The following PLCG2 variants were observed in gnomAD, a reference collection of about 807,000 sequenced individuals.
PLCG2 encodes 1-phosphatidylinositol 4,5-bisphosphate phosphodiesterase gamma-2.
A neutral mutation model predicts 175.6 loss-of-function variants in PLCG2; 69 were observed. That is an observed-to-expected ratio of 0.39 (90% confidence interval 0.32 to 0.48). PLCG2 has a LOEUF of 0.48. PLCG2 is among the 20% of genes least tolerant of loss of function. The pLI, the probability that PLCG2 is intolerant of heterozygous loss-of-function variation, is 0.91. For synonymous variants in PLCG2, 827 were observed against 624.0 expected, an observed-to-expected ratio of 1.33 and a Z score of -4.85; for missense variants, 1,798 against 1,650.9, an observed-to-expected ratio of 1.09 and a Z score of -1.54.
At chr16:81,836,523 CTGAGG>C (rs1396525397) in intron 2 of PLCG2, among the ~76,000 whole-genome samples, 1 of 152,092 alleles carries the variant, frequency 6.6e-6, no homozygotes, top group African/African-American at 2.4e-5. Flanking sequence ...GGTGGATCAC[CTGAGG>C]TGAGGAGTTT....
intron 2 of PLCG2, among the ~76,000 whole-genome samples, chr16:81,812,988 T>A (rs1904383502): frequency 2.0e-5 from 3 of 152,206 alleles, no homozygotes; most frequent in Non-Finnish European, 4.4e-5. Flanking sequence ...TGGTGGTAGA[T>A]GTGTGATGTT....
chr16:81,938,024 C>G, intron 28 of PLCG2, 121 bp downstream of exon 28: 1 of 821,106 alleles, frequency 1.2e-6, no homozygotes, highest in Non-Finnish European at 1.9e-6. Flanking sequence ...TTTAAACGAT[C>G]CCCATTCAGG....
In PLCG2 at chr16:81,762,766, C is replaced by T. The variant is rs576183511; in HGVS notation, c.-48+6800C>T. ...AAGTCCCCAAGGCTGGCTGATCAGGCAGAGCCCCTTCAAATGGGCATTAAA... is the reference window on the plus strand; with the variant it reads ...AAGTCCCCAAGGCTGGCTGATCAGGTAGAGCCCCTTCAAATGGGCATTAAA... On this transcript the variant is annotated intron_variant, in intron 2 of 5. Coordinates refer to the PLCG2 transcript ENST00000565054. Among the ~76,000 whole-genome samples the T allele has an allele frequency of 7.2e-5, 11 of 152,288 alleles. No homozygotes were observed. The South Asian group carries it at 1.9e-3, about 26-fold the overall frequency.
intron 2 of PLCG2, among the ~76,000 whole-genome samples, chr16:81,834,304 T>G (rs1001994368): frequency 6.6e-6 from 1 of 152,128 alleles, no homozygotes; most frequent in Non-Finnish European, 1.5e-5. Flanking sequence ...TGCCCTGAAC[T>G]TGACCTCGGA....
chr16:81,820,689 T>G (rs1904756702), intron 2 of PLCG2, among the ~76,000 whole-genome samples: 1 of 152,152 alleles, frequency 6.6e-6, no homozygotes, highest in Non-Finnish European at 1.5e-5. Context: ...GGCGCAATCT[T>G]GGCCCACTGC....
chr16:81,803,113 C>CTTT (rs762278218), intron 2 of PLCG2, among the ~76,000 whole-genome samples: 77 of 131,414 alleles, frequency 5.9e-4, no homozygotes, highest in Non-Finnish European at 6.9e-4. Flanking sequence ...TTGCATTTCA[C>CTTT]TTTTTTTTTT....
chr16:81,765,463 T>G (rs1910128368), intron 2 of PLCG2, among the ~76,000 whole-genome samples: 2 of 152,174 alleles, frequency 1.3e-5, no homozygotes, highest in African/African-American at 2.4e-5. Context: ...AAACCCTGTT[T>G]CTACATAAAA....
intron 26 of PLCG2, chr16:81,935,771 C>G: frequency 2.0e-6 from 2 of 985,370 alleles, no homozygotes; most frequent in Non-Finnish European, 2.4e-6. Flanking sequence ...GCAGGTGATT[C>G]TCAGTTTGTT....
At position 81,940,063 on chromosome 16, in the gene PLCG2, A is replaced by G. The variant is rs1187288714; in HGVS notation, c.3481+4A>G. 2 of 1,598,208 alleles carry G rather than the reference A, an allele frequency of 1.3e-6. No homozygotes were observed. The highest frequency in any genetic ancestry group is 8.6e-7 in the Non-Finnish European group (1 of 1,166,770). ...CCCATTAAAGCAGTCAAATCAGGTA[A>G]GAGGCATTTTAATTAAGATGTTCGA... On this transcript the variant is annotated splice_donor_region_variant and intron_variant, in intron 30 of 32. Transcript: ENST00000564138.
chr16:81,762,728 G>A (rs1387658627), intron 2 of PLCG2, among the ~76,000 whole-genome samples: 1 of 152,124 alleles, frequency 6.6e-6, no homozygotes. Context: ...ATACACCACT[G>A]CAATATCCCC....
At chr16:81,862,783 A>G (rs1012603567) in intron 5 of PLCG2, among the ~76,000 whole-genome samples, 1 of 152,088 alleles carries the variant, frequency 6.6e-6, no homozygotes, top group Non-Finnish European at 1.5e-5. Flanking sequence ...AGGTGGGAGG[A>G]TCATCTGAGC....
intron 31 of PLCG2, among the ~76,000 whole-genome samples, chr16:81,948,588 T>C (rs763901410): frequency 1.4e-4 from 21 of 152,158 alleles, no homozygotes; most frequent in Non-Finnish European, 1.8e-4. Flanking sequence ...TTGTAGAAGA[T>C]TGCACACTTT....
intron 19 of PLCG2, among the ~76,000 whole-genome samples, chr16:81,918,332 G>T (rs4888188): frequency 0.38 from 57,493 of 152,030 alleles, 12,171 homozygotes; most frequent in East Asian, 0.78. Flanking sequence ...ACAGTTTCAG[G>T]TCTTATGTTT....
upstream of PLCG2, among the ~76,000 whole-genome samples, chr16:81,778,998 G>T (rs1216524018): frequency 6.6e-6 from 1 of 152,084 alleles, no homozygotes; most frequent in Non-Finnish European, 1.5e-5. Flanking sequence ...CCTGGACTGC[G>T]GCCGGCTCTC....
intron 21 of PLCG2, 145 bp downstream of exon 21, chr16:81,921,414 A>G (rs750923181): frequency 1.4e-6 from 1 of 694,008 alleles, no homozygotes; most frequent in Non-Finnish European, 2.7e-6. Flanking sequence ...TTTGAGAAGA[A>G]AGGATGATTG....
At chr16:81,938,028 A>C in intron 28 of PLCG2, 125 bp downstream of exon 28, 1 of 785,726 alleles carries the variant, frequency 1.3e-6, no homozygotes, top group African/African-American at 1.7e-5. Context: ...AACGATCCCC[A>C]TTCAGGCAGT....
chr16:81,892,210 G>A (rs1272971695), intron 11 of PLCG2, among the ~76,000 whole-genome samples: 2 of 152,224 alleles, frequency 1.3e-5, no homozygotes, highest in African/African-American at 4.8e-5. Flanking sequence ...GTGTCAGGAG[G>A]GGAGGAAGGC....
At chr16:81,906,033 A>T (rs1909354541) in intron 15 of PLCG2, among the ~76,000 whole-genome samples, 1 of 152,192 alleles carries the variant, frequency 6.6e-6, no homozygotes, top group East Asian at 1.9e-4. Context: ...TACACACACA[A>T]ATAGTATGGG....
chr16:81,844,126 G>A (rs370850077), intron 2 of PLCG2, among the ~76,000 whole-genome samples: 16 of 143,144 alleles, frequency 1.1e-4, no homozygotes, highest in Admixed American at 9.2e-4. Flanking sequence ...ACAGGTGCCC[G>A]CCACCACACC....
Sources: allele counts gnomAD v4.1 joint callset (sites outside exome capture counted in the v4.1 genomes callset), GRCh38; gene constraint gnomAD v4.1.1; transcripts MANE v1.5; gene names NCBI Gene and HGNC (gene_info 2026-07-23, HGNC 2026-07-21).